TTC28: variants seen among roughly 807,000 people sequenced by gnomAD.
TTC28 encodes the protein tetratricopeptide repeat domain 28.
TTC28 carries 61 observed loss-of-function variants against 198.0 expected under a neutral mutation model. The ratio of observed to expected loss-of-function variants is 0.31; its 90% CI spans 0.25 to 0.38. The LOEUF is 0.38. TTC28 is among the 10% of genes least tolerant of loss of function. The probability of loss-of-function intolerance (pLI) is 1.00; values close to 1 mark genes in which losing one functional copy is unlikely to be tolerated. For synonymous variants in TTC28, 1,171 were observed against 1,297.8 expected (o/e 0.90, Z 2.10); for missense variants, 2,678 against 3,164.0 (o/e 0.85, Z 3.69).
At chr22:28,617,485 C>T (rs920219553) in intron 2 of TTC28, among the ~76,000 whole-genome samples, 1 of 151,606 alleles carries the variant, frequency 6.6e-6, no homozygotes, top group Non-Finnish European at 1.5e-5. Context: ...AGAGTGAGAC[C>T]CTATCTCAAG....
intron 2 of TTC28, among the ~76,000 whole-genome samples, chr22:28,341,401 C>T (rs1302426043): frequency 6.6e-6 from 1 of 152,118 alleles, no homozygotes; most frequent in African/African-American, 2.4e-5. Flanking sequence ...CCTGTAATCC[C>T]AACACTTTGG....
chr22:28,241,576 T>C (rs1569216709), intron 5 of TTC28, among the ~76,000 whole-genome samples: 1 of 152,126 alleles, frequency 6.6e-6, no homozygotes, highest in Admixed American at 6.5e-5. Context: ...GGCAACTGTA[T>C]GTAATTTACC....
In TTC28 at chr22:28,287,492, AAG is replaced by A. The variant is rs1296432183; in HGVS notation, c.933+8704_933+8705del. ...TAGGTAGAGAAGATGAGAATTGAGA[AAG>A]AGAGCATCAATGTGGCAGAAATGAC... On this transcript the variant is annotated intron_variant, in intron 5 of 22. Transcript: ENST00000397906. Among the ~76,000 whole-genome samples the A allele has an allele frequency of 3.3e-5, 5 of 152,310 alleles. No homozygotes were observed. The South Asian group carries it at 8.3e-4, about 25-fold the overall frequency.
At chr22:28,555,876 A>T (rs911655762) in intron 2 of TTC28, among the ~76,000 whole-genome samples, 12 of 152,188 alleles carry the variant, frequency 7.9e-5, no homozygotes, top group African/African-American at 1.7e-4. Context: ...TGTCTTTTTT[A>T]ATCCCACAAA....
intron 13 of TTC28, among the ~76,000 whole-genome samples, chr22:28,021,803 T>C (rs917825246): frequency 1.3e-5 from 2 of 152,074 alleles, no homozygotes; most frequent in Non-Finnish European, 2.9e-5. Flanking sequence ...TGTCTAGATA[T>C]AGGGCCAGGA....
At chr22:28,117,845 G>A (rs1270976669) in intron 6 of TTC28, among the ~76,000 whole-genome samples, 1 of 152,100 alleles carries the variant, frequency 6.6e-6, no homozygotes, top group Non-Finnish European at 1.5e-5. Flanking sequence ...TAGTTAGAAA[G>A]AATGAATAAA....
At position 27,979,584 on chromosome 22, in the gene TTC28, C is replaced by T. The variant is rs1936949206; in HGVS notation, c.*2637G>A. 1 of 151,668 alleles carries T rather than the reference C, an allele frequency of 6.6e-6. No individual in the cohort carries two copies. The highest frequency in any genetic ancestry group is 1.5e-5 in the Non-Finnish European group (1 of 67,974). 9.4% of individuals were successfully genotyped at this position (151,668 alleles called of 1,614,324 possible). On this transcript the variant is annotated 3_prime_UTR_variant, in exon 23 of 23. Coordinates refer to ENST00000397906, the MANE Select transcript of TTC28 (RefSeq NM_001145418.2). ...CTTATATAACCCTTTAAAAAGGTAACTTAGCTCATGGCTGTGAAAAACCAG... is the reference window on the plus strand; with the variant it reads ...CTTATATAACCCTTTAAAAAGGTAATTTAGCTCATGGCTGTGAAAAACCAG...
At chr22:28,605,732 C>T (rs1197404777) in intron 2 of TTC28, among the ~76,000 whole-genome samples, 1 of 152,078 alleles carries the variant, frequency 6.6e-6, no homozygotes, top group Non-Finnish European at 1.5e-5. Context: ...ATATGAAATA[C>T]TATGAAGCTG....
intron 2 of TTC28, among the ~76,000 whole-genome samples, chr22:28,381,169 G>A (rs2046488243): frequency 6.6e-6 from 1 of 151,650 alleles, no homozygotes; most frequent in Non-Finnish European, 1.5e-5. Context: ...AAAAGTGTCA[G>A]GAGACCCAGT....
At position 27,982,593 on chromosome 22, in the gene TTC28, A is replaced by G. The variant is rs751783119; in HGVS notation, c.7074T>C (p.His2358=). 7.4e-5 allele frequency: 115 copies of G among 1,551,580 alleles called. No homozygotes were observed. The highest frequency in any genetic ancestry group is 9.6e-5 in the Non-Finnish European group (110 of 1,147,018). ...AAIDEKVQAV[H]NLKMFWQSTP... is the part of the protein sequence containing the mutation. ...TGCTCTGCCAGAACATCTTCAGGTTATGGACAGCCTGCACCTTTTCATCAA... is the reference window on the plus strand; with the variant it reads ...TGCTCTGCCAGAACATCTTCAGGTTGTGGACAGCCTGCACCTTTTCATCAA... The change falls in exon 23 of 23, where the codon CAT becomes CAC. Residue 2358 remains histidine (H), a synonymous_variant. Coordinates refer to ENST00000397906, the MANE Select transcript of TTC28 (RefSeq NM_001145418.2). This position sits in a 1 kb window ranked among gnomAD's most constrained non-coding sequence, Gnocchi z 5.2.
At chr22:28,113,885 ATTC>A (rs947670697) in intron 6 of TTC28, among the ~76,000 whole-genome samples, 3 of 152,222 alleles carry the variant, frequency 2.0e-5, no homozygotes, top group African/African-American at 4.8e-5. Flanking sequence ...CACTGCATAT[ATTC>A]TTCTATAATC....
intron 2 of TTC28, among the ~76,000 whole-genome samples, chr22:28,384,807 T>C (rs2046550771): frequency 1.3e-5 from 2 of 152,140 alleles, no homozygotes; most frequent in African/African-American, 2.4e-5. Context: ...CCAAACTTTG[T>C]CTACTGCATT....
chr22:28,103,299 G>A (rs1288245010), intron 8 of TTC28, among the ~76,000 whole-genome samples: 1 of 152,206 alleles, frequency 6.6e-6, no homozygotes, highest in Non-Finnish European at 1.5e-5. Context: ...TTTGCAAGAA[G>A]AGGAAGGGCT....
intron 5 of TTC28, among the ~76,000 whole-genome samples, chr22:28,189,173 C>T (rs1924486723): frequency 2.0e-5 from 3 of 151,876 alleles, no homozygotes; most frequent in Admixed American, 2.0e-4. Context: ...CATAGCAAGA[C>T]CTCATCTCAA....
intron 12 of TTC28, among the ~76,000 whole-genome samples, chr22:28,045,238 T>C (rs1242288359): frequency 1.3e-5 from 2 of 152,178 alleles, no homozygotes; most frequent in South Asian, 4.1e-4. Context: ...TTTGATCTTT[T>C]TGGATTTTGG....
intron 12 of TTC28, among the ~76,000 whole-genome samples, chr22:28,048,178 A>G (rs1315906078): frequency 1.3e-5 from 2 of 152,022 alleles, no homozygotes; most frequent in Admixed American, 1.3e-4. Context: ...TGAGGAAGCT[A>G]AAGTGTCCAG....
chr22:28,635,730 T>C lies in TTC28; in HGVS notation c.103-5900A>G, dbSNP rs1252049411. Among the ~76,000 whole-genome samples the C allele has an allele frequency of 2.0e-5, 3 of 152,314 alleles. No individual in the cohort carries two copies. In the East Asian group the frequency reaches 5.8e-4, roughly 29 times the overall value. Reference sequence around the variant, plus strand: ...ATATATATAATGTGATGTTTTGATATATGTATGCATTGTGAAATGACTACC... The same window carrying C: ...ATATATATAATGTGATGTTTTGATACATGTATGCATTGTGAAATGACTACC... On this transcript the variant is annotated intron_variant, in intron 1 of 22. Transcript: ENST00000397906.
At position 27,979,878 on chromosome 22, in the gene TTC28, TATATTTAAGAC is replaced by T. The variant is rs1408566051; in HGVS notation, c.*2332_*2342del. The T allele has an allele frequency of 6.6e-6, 1 of 152,236 alleles. No homozygotes were observed. Among genetic ancestry groups the T allele is most frequent in the East Asian group, 1.9e-4 (1 of 5,204 alleles). The allele number at this position is 152,236 out of a possible 1,614,324, so 9.4% of individuals were successfully genotyped here. On this transcript the variant is annotated 3_prime_UTR_variant, in exon 23 of 23. Coordinates refer to ENST00000397906, the MANE Select transcript of TTC28 (RefSeq NM_001145418.2). Reference sequence around the variant, plus strand: ...CTTTTGTTTTCCCTTCCTTGAAACTTATATTTAAGACAGAATAAAACCACATAAACCATTGG... The same window carrying T: ...CTTTTGTTTTCCCTTCCTTGAAACTTAGAATAAAACCACATAAACCATTGG...
chr22:28,550,759 T>C (rs918137900), intron 2 of TTC28, among the ~76,000 whole-genome samples: 5 of 152,044 alleles, frequency 3.3e-5, no homozygotes, highest in Admixed American at 1.3e-4. Flanking sequence ...TATCTACTGT[T>C]CCAGAATTAA....
Sources: gnomAD v4.1 joint callset for allele counts (sites outside exome capture counted in the v4.1 genomes callset) on GRCh38, gnomAD v4.1.1 for gene constraint, Gnocchi (gnomAD v3.1) non-coding constraint, MANE v1.5 for transcripts, NCBI Gene and HGNC (gene_info 2026-07-23, HGNC 2026-07-21) for gene names.